Variants in OOEP observed in about 807,000 individuals in gnomAD.
The protein encoded by OOEP is oocyte-expressed protein homolog.
A neutral mutation model predicts 13.7 loss-of-function variants in OOEP; 16 were observed. That is an observed-to-expected ratio of 1.16 (90% CI 0.79 to 1.77). The LOEUF is 1.77. Ranked by LOEUF, OOEP falls within the 40% of genes most tolerant of loss-of-function variation. The probability of loss-of-function intolerance (pLI) is 0.00; values close to 1 mark genes in which losing one functional copy is unlikely to be tolerated. For synonymous variants in OOEP, 89 were observed against 77.1 expected (o/e 1.15, Z -0.81); for missense variants, 195 against 193.1 (o/e 1.01, Z -0.06).
chr6:73,389,019 A>G (rs908692589), intron 2 of OOEP, among the ~76,000 whole-genome samples: 1 of 53,272 alleles, frequency 1.9e-5, no homozygotes, highest in Non-Finnish European at 3.9e-5. Flanking sequence ...AGCGGTGCAA[A>G]TGCGAAGCCG....
upstream of OOEP, chr6:73,373,326 CTTT>C (rs1049344389): frequency 4.1e-6 from 6 of 1,476,324 alleles, no homozygotes; most frequent in African/African-American, 6.9e-5. Context: ...TCCTTCTCTT[CTTT>C]TGTTTTCTTT....
chr6:73,369,632 AG>A lies in OOEP; in HGVS notation c.160del (p.Leu54Ter), dbSNP rs1769013055. On this transcript the variant is annotated frameshift_variant, in exon 1 of 3. Coordinates refer to ENST00000370359, the MANE Select transcript of OOEP (RefSeq NM_001080507.3). LOFTEE classifies it high-confidence loss of function. ...GAGCTCGTCTGCCAGCCATGCCTCT[AG>A]GTAGAACACCAAAGGGTCTCTCAGT... ...QELRDPLVFY[L>X]EAWLADELFG... 1 of 1,613,878 alleles carries A rather than the reference AG, an allele frequency of 6.2e-7. No individual in the cohort carries two copies. The highest frequency in any genetic ancestry group is 1.1e-5 in the South Asian group (1 of 91,088).
intron 2 of OOEP, 29 bp from the exon 3 acceptor site, chr6:73,368,892 T>A (rs777823862): frequency 1.3e-6 from 2 of 1,544,504 alleles, no homozygotes; most frequent in Admixed American, 3.3e-5. Flanking sequence ...ATACTAACCA[T>A]GGACAGGGAC....
exon 1 of OOEP, chr6:73,394,748 A>AGTGGGCGGGATAGAGAGC: frequency 2.9e-6 from 3 of 1,045,256 alleles, no homozygotes; most frequent in Non-Finnish European, 4.1e-6. Context: ...ATCAGTGCGA[A>AGTGGGCGGGATAGAGAGC]GTGGGCGGGA....
chr6:73,378,848 A>C (rs1361058784), intron 2 of OOEP, among the ~76,000 whole-genome samples: 1 of 151,898 alleles, frequency 6.6e-6, no homozygotes, highest in African/African-American at 2.4e-5. Context: ...AGCCTGGGCA[A>C]CAGAGCCAGA....
intron 2 of OOEP, among the ~76,000 whole-genome samples, chr6:73,379,792 C>A (rs1395469634): frequency 6.6e-6 from 1 of 151,922 alleles, no homozygotes; most frequent in South Asian, 2.1e-4. Flanking sequence ...TGTTGCCCAA[C>A]CTGGTCTTAA....
upstream of OOEP, among the ~76,000 whole-genome samples, chr6:73,372,877 A>G (rs1330665633): frequency 2.0e-5 from 3 of 151,636 alleles, no homozygotes; most frequent in African/African-American, 7.3e-5. Flanking sequence ...TAAGGGCCGG[A>G]AGATTCTTTC....
chr6:73,371,976 C>A (rs1769064735), upstream of OOEP, among the ~76,000 whole-genome samples: 1 of 151,960 alleles, frequency 6.6e-6, no homozygotes, highest in African/African-American at 2.4e-5. Flanking sequence ...GATATTGTGG[C>A]TCGTGCCTGT....
At chr6:73,379,751 G>C (rs1358897267) in intron 2 of OOEP, among the ~76,000 whole-genome samples, 4 of 149,790 alleles carry the variant, frequency 2.7e-5, no homozygotes, top group Admixed American at 2.7e-4. Flanking sequence ...GTTTTTTAAT[G>C]GTTTTTAAAA....
At chr6:73,384,824 C>T (rs926821969) in intron 2 of OOEP, among the ~76,000 whole-genome samples, 1 of 151,742 alleles carries the variant, frequency 6.6e-6, no homozygotes, top group Non-Finnish European at 1.5e-5. Flanking sequence ...GCAACCTGTG[C>T]CTCCCGGGTT....
In OOEP at chr6:73,369,887, C is replaced by A. The variant is rs1274952660; in HGVS notation, c.-95G>T. On this transcript the variant is annotated 5_prime_UTR_variant, in exon 1 of 3. Transcript: ENST00000370359. ...AGCTCGGGCTCTCTTTTACCATATT[C>A]GACCCGCTCCGCCCCTTCCGGCGGC... The A allele has an allele frequency of 1.7e-6, 2 of 1,179,856 alleles. No individual in the cohort carries two copies. The highest frequency in any genetic ancestry group is 1.2e-6 in the Non-Finnish European group (1 of 823,696). 73.1% of individuals were successfully genotyped at this position (1,179,856 alleles called of 1,614,324 possible). A position where few individuals can be genotyped will look rare whatever the true frequency, so the allele number is the denominator to read the frequency against.
Position 73,369,224 on chromosome 6 carries a change from G to T in OOEP, c.352C>A (p.Arg118=). 1.2e-6 allele frequency: 2 copies of T among 1,612,304 alleles called. No individual in the cohort carries two copies. Among genetic ancestry groups the T allele is most frequent in the Non-Finnish European group, 1.7e-6 (2 of 1,179,236 alleles). Residue 118 remains arginine (R), a synonymous_variant, in exon 2 of 3, where the codon CGA becomes AGA. Transcript: ENST00000370359. ...SMLLCLAWFH[R]EHRARAEKMK... is the part of the protein sequence containing the mutation. Reference sequence around the variant, plus strand: ...CCCTCACCTCGGGCACGATGTTCTCGGTGAAACCATGCCAGGCACAGGAGC... The same window carrying T: ...CCCTCACCTCGGGCACGATGTTCTCTGTGAAACCATGCCAGGCACAGGAGC...
chr6:73,376,344 G>GT (rs70994194), intron 2 of OOEP, among the ~76,000 whole-genome samples: 2,064 of 103,450 alleles, frequency 0.02, 117 homozygotes, highest in East Asian at 0.035. Context: ...ACAAGGGGTT[G>GT]TTTTTTTTTT....
chr6:73,393,470 T>C (rs1769379579), intron 2 of OOEP, among the ~76,000 whole-genome samples: 1 of 152,206 alleles, frequency 6.6e-6, no homozygotes, highest in South Asian at 2.1e-4. Context: ...CCTGGAGTAG[T>C]AGTATGTCCA....
Position 73,369,187 on chromosome 6 carries a change from G to A in OOEP, c.370+19C>T, listed in dbSNP as rs545639154. On this transcript the variant is annotated intron_variant, in intron 2 of 2. Transcript: ENST00000370359. ...TCACTCGTGGCTTCCTCCACATGCA[G>A]GTTCTCAAAGACCCTCACCTCGGGC... is the stretch of plus-strand genomic sequence containing the variant. 6.2e-7 allele frequency: 1 copy of A among 1,600,194 alleles called. No individual in the cohort carries two copies. Among genetic ancestry groups the A allele is most frequent in the Admixed American group, 1.7e-5 (1 of 57,580 alleles).
chr6:73,388,690 T>C (rs542873307), intron 2 of OOEP, among the ~76,000 whole-genome samples: 3 of 152,350 alleles, frequency 2.0e-5, no homozygotes, highest in East Asian at 1.9e-4. Context: ...GGTTTCTTCA[T>C]CGTGAAATGG....
At chr6:73,391,420 TTCTCTC>T (rs1025490254) in intron 2 of OOEP, 1 of 152,518 alleles carries the variant, frequency 6.6e-6, no homozygotes, top group African/African-American at 2.4e-5. Context: ...AGGATTAGCC[TTCTCTC>T]TCTAACAATA....
intron 2 of OOEP, among the ~76,000 whole-genome samples, chr6:73,378,234 C>T (rs987626012): frequency 5.9e-5 from 9 of 151,966 alleles, no homozygotes; most frequent in African/African-American, 2.2e-4. Context: ...TCTAGAGTAG[C>T]TGGGATGACA....
At chr6:73,386,392 C>T (rs1562279781) in intron 2 of OOEP, among the ~76,000 whole-genome samples, 1 of 151,872 alleles carries the variant, frequency 6.6e-6, no homozygotes, top group African/African-American at 2.4e-5. Context: ...CCAGACCGGG[C>T]CAACAACATG....
Sources: allele counts gnomAD v4.1 joint callset (sites outside exome capture counted in the v4.1 genomes callset), GRCh38; gene constraint gnomAD v4.1.1; transcripts MANE v1.5; gene names NCBI Gene and HGNC (gene_info 2026-07-23, HGNC 2026-07-21).